HMGN5: variants seen among roughly 807,000 people sequenced by gnomAD.
The protein encoded by HMGN5 is high mobility group nucleosome binding domain 5.
HMGN5 carries 4 observed loss-of-function variants against 9.5 expected under a neutral mutation model. That is an observed-to-expected ratio of 0.42 (90% confidence interval 0.21 to 0.96). The LOEUF (loss-of-function observed/expected upper bound fraction) is 0.96, where lower values mean the gene tolerates loss of function less well. Ranked by LOEUF, HMGN5 falls within the 40% of genes least tolerant of loss-of-function variation. The probability of loss-of-function intolerance (pLI) is 0.30; values close to 1 mark genes in which losing one functional copy is unlikely to be tolerated. For synonymous variants in HMGN5, 55 were observed against 57.1 expected (o/e 0.96, Z 0.16); for missense variants, 192 against 187.5 (o/e 1.02, Z -0.14).
At chrX:81,196,462 A>C (rs770205083) in intron 1 of HMGN5, among the ~76,000 whole-genome samples, 1 of 110,850 alleles carries the variant, frequency 9.0e-6, no homozygotes, top group South Asian at 3.9e-4. Context: ...AGGTGACTGG[A>C]TCATGGGGGT....
intron 1 of HMGN5, among the ~76,000 whole-genome samples, chrX:81,125,671 C>G (rs2075281323): frequency 8.9e-6 from 1 of 111,782 alleles, no homozygotes; most frequent in Admixed American, 9.5e-5. Flanking sequence ...TTTTATGTTT[C>G]TATTTGTAAA....
chrX:81,134,609 G>T (rs1477993995), intron 1 of HMGN5, among the ~76,000 whole-genome samples: 1 of 111,093 alleles, frequency 9.0e-6, no homozygotes, highest in Non-Finnish European at 1.9e-5. Flanking sequence ...CAATGTATCT[G>T]CAGTTTAACA....
At position 81,201,892 on chromosome X, in the gene HMGN5, A is replaced by G. The variant is rs1345932339; in HGVS notation, c.-279T>C. The G allele has an allele frequency of 1.3e-5, 4 of 302,870 alleles. No individual in the cohort carries two copies. Among genetic ancestry groups the G allele is most frequent in the Non-Finnish European group, 2.3e-5 (4 of 175,150 alleles). 25.0% of individuals were successfully genotyped at this position (302,870 alleles called of 1,213,427 possible). Reference sequence around the variant, plus strand: ...TTCTTCTTCTCCTCGCCCTCTTCTCAGGGAAGGAATCGTCAAAAATCAATG... The same window carrying G: ...TTCTTCTTCTCCTCGCCCTCTTCTCGGGGAAGGAATCGTCAAAAATCAATG... On this transcript the variant is annotated 5_prime_UTR_variant, in exon 1 of 7. Coordinates refer to ENST00000358130, the MANE Select transcript of HMGN5 (RefSeq NM_030763.3).
At chrX:81,187,171 C>T (rs1470277200) in intron 1 of HMGN5, among the ~76,000 whole-genome samples, 1 of 111,656 alleles carries the variant, frequency 9.0e-6, no homozygotes, top group African/African-American at 3.2e-5. Context: ...GTGTATTCTG[C>T]AGCCACTGGA....
chrX:81,160,626 G>T (rs1157407493), intron 1 of HMGN5, among the ~76,000 whole-genome samples: 2 of 111,253 alleles, frequency 1.8e-5, no homozygotes, highest in Non-Finnish European at 1.9e-5. Context: ...GTGGTGCTTG[G>T]TTTTCTGTTC....
chrX:81,165,283 G>A (rs2075408047), intron 1 of HMGN5, among the ~76,000 whole-genome samples: 1 of 110,423 alleles, frequency 9.1e-6, no homozygotes. Flanking sequence ...ATCTCCGCTT[G>A]AATGACTCAC....
chrX:81,120,316 A>T (rs899781331), intron 2 of HMGN5, among the ~76,000 whole-genome samples: 11 of 111,397 alleles, frequency 9.9e-5, no homozygotes, highest in African/African-American at 3.6e-4. Flanking sequence ...CCTCTTTGTT[A>T]CAAAGTCAAT....
chrX:81,117,199 T>C (rs908716719), intron 5 of HMGN5, among the ~76,000 whole-genome samples: 1 of 110,556 alleles, frequency 9.0e-6, no homozygotes, highest in Non-Finnish European at 1.9e-5. Flanking sequence ...GGGTAAAGTC[T>C]ATGGTTATAT....
chrX:81,175,637 C>T (rs913717080), intron 1 of HMGN5, among the ~76,000 whole-genome samples: 7 of 110,742 alleles, frequency 6.3e-5, no homozygotes, highest in African/African-American at 1.3e-4. Flanking sequence ...GCTCCTCAGC[C>T]GCATGCCAAG....
At chrX:81,148,205 G>T (rs1436742278) in intron 1 of HMGN5, among the ~76,000 whole-genome samples, 1 of 111,625 alleles carries the variant, frequency 9.0e-6, no homozygotes, top group Non-Finnish European at 1.9e-5. Context: ...ACAAAGCTGT[G>T]TGCATCACGT....
chrX:81,155,042 T>C (rs1189969263), intron 1 of HMGN5, among the ~76,000 whole-genome samples: 2 of 100,783 alleles, frequency 2.0e-5, no homozygotes, highest in African/African-American at 3.6e-5. Context: ...CTGCCGGGTA[T>C]ATGCCTAAAA....
intron 1 of HMGN5, among the ~76,000 whole-genome samples, chrX:81,175,306 G>T (rs1231814798): frequency 2.7e-5 from 3 of 109,785 alleles, no homozygotes; most frequent in African/African-American, 9.9e-5. Context: ...TGGGAAACAG[G>T]TATTTAGCAA....
chrX:81,172,808 T>G (rs891985400), intron 1 of HMGN5, among the ~76,000 whole-genome samples: 1 of 110,771 alleles, frequency 9.0e-6, no homozygotes, highest in Non-Finnish European at 1.9e-5. Flanking sequence ...GACCTAATCC[T>G]CCTACTTTTA....
chrX:81,184,530 C>T (rs1452968112), intron 1 of HMGN5, among the ~76,000 whole-genome samples: 1 of 110,427 alleles, frequency 9.1e-6, no homozygotes, highest in African/African-American at 3.3e-5. Flanking sequence ...TTTTCTCCCA[C>T]TGGGTGGGTT....
intron 1 of HMGN5, among the ~76,000 whole-genome samples, chrX:81,199,631 G>A (rs2075519435): frequency 8.9e-6 from 1 of 112,127 alleles, no homozygotes; most frequent in Non-Finnish European, 1.9e-5. Flanking sequence ...ATGGGGAAAG[G>A]ATTCCCTATT....
At chrX:81,127,198 T>C (rs1159305198) in intron 1 of HMGN5, among the ~76,000 whole-genome samples, 1 of 112,072 alleles carries the variant, frequency 8.9e-6, no homozygotes, top group Non-Finnish European at 1.9e-5. Context: ...GGCCTTAATG[T>C]TCAGGCTTTT....
intron 1 of HMGN5, among the ~76,000 whole-genome samples, chrX:81,126,455 A>G (rs12394353): frequency 0.018 from 2,041 of 111,621 alleles, 42 homozygotes; most frequent in African/African-American, 0.063. Context: ...TCAGAAGAGA[A>G]AAACTACTTT....
At chrX:81,148,259 C>T (rs919840923) in intron 1 of HMGN5, among the ~76,000 whole-genome samples, 5 of 111,934 alleles carry the variant, frequency 4.5e-5, no homozygotes, top group African/African-American at 1.6e-4. Flanking sequence ...ACAAAAACAG[C>T]ATGGTACTGG....
At chrX:81,124,829 C>T (rs1475924247) in intron 1 of HMGN5, among the ~76,000 whole-genome samples, 2 of 110,623 alleles carry the variant, frequency 1.8e-5, no homozygotes, top group African/African-American at 3.3e-5. Context: ...GACAATTCTC[C>T]ACAGAATTCC....
Sources: gnomAD v4.1 joint callset for allele counts (sites outside exome capture counted in the v4.1 genomes callset) on GRCh38, gnomAD v4.1.1 for gene constraint, MANE v1.5 for transcripts, NCBI Gene and HGNC (gene_info 2026-07-23, HGNC 2026-07-21) for gene names.